Variants in LPAR1 observed in about 807,000 individuals in gnomAD.
The protein encoded by LPAR1 is lysophosphatidic acid receptor 1.
Under a neutral mutation model 23.8 loss-of-function variants are expected in LPAR1, and 5 were observed. The ratio of observed to expected loss-of-function variants is 0.21; its 90% confidence interval spans 0.11 to 0.44. LPAR1 has a LOEUF of 0.44. Ranked by LOEUF, LPAR1 falls within the 20% of genes least tolerant of loss-of-function variation. The probability of loss-of-function intolerance (pLI) is 0.99; values close to 1 mark genes in which losing one functional copy is unlikely to be tolerated. For synonymous variants in LPAR1, 160 were observed against 164.7 expected, an observed-to-expected ratio of 0.97 and a Z score of 0.22; for missense variants, 311 against 482.8, an observed-to-expected ratio of 0.64 and a Z score of 3.33.
At chr9:110,967,568 G>A (rs1159599459) in intron 4 of LPAR1, among the ~76,000 whole-genome samples, 1 of 152,218 alleles carries the variant, frequency 6.6e-6, no homozygotes, top group Non-Finnish European at 1.5e-5. Flanking sequence ...ACACTTGAAT[G>A]TGGATTTATC....
At chr9:110,902,288 C>CCCAA (rs1206529966) in intron 5 of LPAR1, among the ~76,000 whole-genome samples, 1 of 152,124 alleles carries the variant, frequency 6.6e-6, no homozygotes, top group African/African-American at 2.4e-5. Context: ...TGTGTCCCCA[C>CCCAA]CCAAATCTCA....
chr9:111,034,770 T>C (rs1184676574), intron 2 of LPAR1, among the ~76,000 whole-genome samples: 1 of 152,156 alleles, frequency 6.6e-6, no homozygotes, highest in Non-Finnish European at 1.5e-5. Flanking sequence ...GGTTATGTAA[T>C]ACTTCCTCCT....
In LPAR1 at chr9:110,941,372, T is replaced by C; in HGVS notation, c.793+49A>G. The C allele has an allele frequency of 6.6e-7, 1 of 1,511,690 alleles. No homozygotes were observed. The highest frequency in any genetic ancestry group is 8.9e-7 in the Non-Finnish European group (1 of 1,121,042). 93.6% of individuals were successfully genotyped at this position (1,511,690 alleles called of 1,614,324 possible). ...CTGACATAAAATAATGTGGTTTATGTTAGTCACTGAGAATCTATAAAGTAA... is the reference window on the plus strand; with the variant it reads ...CTGACATAAAATAATGTGGTTTATGCTAGTCACTGAGAATCTATAAAGTAA... On this transcript the variant is annotated intron_variant, in intron 5 of 5. Coordinates refer to ENST00000683809, the MANE Select transcript of LPAR1 (RefSeq NM_001351411.2). The surrounding 1 kb of genome is among the most constrained non-coding windows in gnomAD (Gnocchi z 6.1).
intron 4 of LPAR1, among the ~76,000 whole-genome samples, chr9:110,955,645 G>A (rs1244034446): frequency 1.3e-5 from 2 of 150,156 alleles, no homozygotes; most frequent in African/African-American, 2.5e-5. Context: ...ACAGTTCCCA[G>A]AATAGACCAC....
chr9:111,011,708 A>AC (rs1199091747), intron 2 of LPAR1, among the ~76,000 whole-genome samples: 1 of 152,136 alleles, frequency 6.6e-6, no homozygotes, highest in African/African-American at 2.4e-5. Flanking sequence ...ACAATATAGT[A>AC]CCCTTGCTGG....
intron 2 of LPAR1, among the ~76,000 whole-genome samples, chr9:110,977,814 G>A (rs1046876363): frequency 0.015 from 1,097 of 71,156 alleles, 29 homozygotes; most frequent in Middle Eastern, 0.027. Context: ...GAAGGAGGGA[G>A]GGAGGGCGGG....
At chr9:110,950,948 G>A (rs1246687707) in intron 4 of LPAR1, among the ~76,000 whole-genome samples, 1 of 152,068 alleles carries the variant, frequency 6.6e-6, no homozygotes, top group Non-Finnish European at 1.5e-5. Context: ...CTAATAACTA[G>A]ATGCGTTATT....
At chr9:110,915,633 GTATA>G (rs1446905629) in intron 5 of LPAR1, among the ~76,000 whole-genome samples, 1 of 152,064 alleles carries the variant, frequency 6.6e-6, no homozygotes, top group Non-Finnish European at 1.5e-5. Flanking sequence ...ATGTGTACAT[GTATA>G]TATACACACA....
chr9:110,898,984 A>C (rs1226270973), intron 5 of LPAR1, among the ~76,000 whole-genome samples: 1 of 152,218 alleles, frequency 6.6e-6, no homozygotes, highest in Admixed American at 6.5e-5. Context: ...AATACCAAAA[A>C]CCTGATAATC....
At chr9:110,894,519 G>C (rs2085616887) in intron 5 of LPAR1, among the ~76,000 whole-genome samples, 1 of 152,148 alleles carries the variant, frequency 6.6e-6, no homozygotes. Flanking sequence ...AAGCCTCCAA[G>C]AAATGTGGAT....
At chr9:111,012,733 C>G (rs1395406450) in intron 2 of LPAR1, among the ~76,000 whole-genome samples, 1 of 152,030 alleles carries the variant, frequency 6.6e-6, no homozygotes, top group Non-Finnish European at 1.5e-5. Flanking sequence ...ACTTCATTCA[C>G]ACTTGATCCT....
intron 4 of LPAR1, among the ~76,000 whole-genome samples, chr9:110,964,550 G>T (rs1331423775): frequency 6.6e-6 from 1 of 152,122 alleles, no homozygotes; most frequent in Admixed American, 6.5e-5. Flanking sequence ...AAGCAACTGT[G>T]TCAAAATGTT....
At chr9:110,904,590 G>T (rs2090573198) in intron 5 of LPAR1, among the ~76,000 whole-genome samples, 1 of 152,202 alleles carries the variant, frequency 6.6e-6, no homozygotes, top group Non-Finnish European at 1.5e-5. Flanking sequence ...AAAGTATTAA[G>T]TTGTTCATGG....
chr9:111,016,084 C>G (rs2097438700), intron 2 of LPAR1, among the ~76,000 whole-genome samples: 1 of 151,960 alleles, frequency 6.6e-6, no homozygotes, highest in Admixed American at 6.6e-5. Context: ...CCTGGAATAC[C>G]CTCCCTTGTC....
intron 5 of LPAR1, among the ~76,000 whole-genome samples, chr9:110,922,310 G>T (rs1047555559): frequency 4.6e-5 from 7 of 152,074 alleles, no homozygotes; most frequent in African/African-American, 1.7e-4. Flanking sequence ...GTAGTTCAGC[G>T]CTTCAACATT....
intron 2 of LPAR1, among the ~76,000 whole-genome samples, chr9:110,981,058 G>T (rs1373161382): frequency 1.3e-5 from 2 of 151,986 alleles, no homozygotes; most frequent in African/African-American, 4.8e-5. Context: ...GTCCTTAAAA[G>T]AACTCTTTTA....
chr9:111,005,546 CAAAAAAAAA>C (rs60143050), intron 2 of LPAR1, among the ~76,000 whole-genome samples: 12,238 of 70,552 alleles, frequency 0.17, 737 homozygotes, highest in Middle Eastern at 0.28. Context: ...GACCCTGTCT[CAAAAAAAAA>C]AAAAAAAAAA....
At chr9:110,925,604 C>A (rs2093960583) in intron 5 of LPAR1, among the ~76,000 whole-genome samples, 1 of 152,156 alleles carries the variant, frequency 6.6e-6, no homozygotes, top group Admixed American at 6.5e-5. Flanking sequence ...TGCCACTCAT[C>A]ATTATACAGG....
At chr9:111,031,400 A>G (rs2097791748) in intron 2 of LPAR1, among the ~76,000 whole-genome samples, 1 of 149,002 alleles carries the variant, frequency 6.7e-6, no homozygotes, top group Non-Finnish European at 1.5e-5. Context: ...CTTTAAAAAA[A>G]AAAAAAGAAA....
Sources: gnomAD v4.1 joint callset for allele counts (sites outside exome capture counted in the v4.1 genomes callset) on GRCh38, gnomAD v4.1.1 for gene constraint, Gnocchi (gnomAD v3.1) non-coding constraint, MANE v1.5 for transcripts, NCBI Gene and HGNC (gene_info 2026-07-23, HGNC 2026-07-21) for gene names.